The following ADGRF5 variants were observed in gnomAD, a reference collection of about 807,000 sequenced individuals.
ADGRF5 encodes the protein adhesion G protein-coupled receptor F5, also known as G-protein coupled receptor 116.
A neutral mutation model predicts 132.3 loss-of-function variants in ADGRF5; 75 were observed. That is an observed-to-expected ratio of 0.57 (90% CI 0.47 to 0.69). ADGRF5 has a LOEUF of 0.69. ADGRF5 is among the 30% of genes least tolerant of loss of function. The pLI, the probability that ADGRF5 is intolerant of heterozygous loss-of-function variation, is 0.00. For missense variants in ADGRF5, 1,516 were observed against 1,630.6 expected (o/e 0.93, Z 1.21); for synonymous variants, 629 against 597.6 (o/e 1.05, Z -0.77).
At chr6:46,900,878 T>C (rs768842857) in intron 2 of ADGRF5, among the ~76,000 whole-genome samples, 1 of 152,180 alleles carries the variant, frequency 6.6e-6, no homozygotes, top group Non-Finnish European at 1.5e-5. Context: ...TCTGCAGACA[T>C]TGAGTTCAAA....
chr6:46,913,565 AAGG>A (rs1776164690), intron 1 of ADGRF5, among the ~76,000 whole-genome samples: 1 of 152,202 alleles, frequency 6.6e-6, no homozygotes, highest in East Asian at 1.9e-4. Context: ...GAAGTCCATT[AAGG>A]AGGAGACTGA....
intron 1 of ADGRF5, among the ~76,000 whole-genome samples, chr6:46,911,060 C>T (rs1366035146): frequency 6.6e-6 from 1 of 152,168 alleles, no homozygotes; most frequent in Admixed American, 6.6e-5. Context: ...CAGTCTAGGC[C>T]TTCTCTGCCC....
intron 3 of ADGRF5, among the ~76,000 whole-genome samples, chr6:46,890,089 T>C (rs1264525637): frequency 6.6e-6 from 1 of 152,006 alleles, no homozygotes. Flanking sequence ...CACAGATAAA[T>C]TGAGAATATT....
chr6:46,941,456 GAAAAGAAAAGAAAGA>G (rs1561838984), intron 1 of ADGRF5, among the ~76,000 whole-genome samples: 1 of 42,056 alleles, frequency 2.4e-5, no homozygotes, highest in South Asian at 6.6e-4. Flanking sequence ...GAAAAGAAAA[GAAAAGAAAAGAAAGA>G]AAAGAAAAGA....
chr6:46,950,391 A>C (rs1454104945), intron 1 of ADGRF5, among the ~76,000 whole-genome samples: 1 of 152,206 alleles, frequency 6.6e-6, no homozygotes, highest in Non-Finnish European at 1.5e-5. Context: ...TCATGTGCTC[A>C]AGATGTACTT....
At chr6:46,882,139 T>C (rs905051049) in intron 6 of ADGRF5, 32 bp from the exon 7 acceptor site, 6 of 1,485,598 alleles carry the variant, frequency 4.0e-6, no homozygotes, top group Non-Finnish European at 3.8e-6. Flanking sequence ...ATGTCATATA[T>C]CAAAGTCGAG....
intron 7 of ADGRF5, 78 bp downstream of exon 7, chr6:46,881,971 C>T (rs2150838374): frequency 9.4e-7 from 1 of 1,068,450 alleles, no homozygotes; most frequent in Non-Finnish European, 1.5e-6. Flanking sequence ...AATAATGCCT[C>T]TCTAGGGGGT....
upstream of ADGRF5, among the ~76,000 whole-genome samples, chr6:46,924,975 G>A (rs189627695): frequency 6.6e-6 from 1 of 152,158 alleles, no homozygotes; most frequent in African/African-American, 2.4e-5. Context: ...ATCTGTCTCT[G>A]TGCATCTCCT....
rs1327673568 is a variant in ADGRF5 at position 46,921,727 on chromosome 6, G to T, written c.-39C>A. On this transcript the variant is annotated 5_prime_UTR_variant, in exon 1 of 21. Transcript: ENST00000283296. ...ATGTCTGTTACCTGTCCAGCACTGT[G>T]GTCCCCCGGCTGGCTCCCGCTCTGA... 1 of 152,384 alleles carries T rather than the reference G, an allele frequency of 6.6e-6. No homozygotes were observed. The highest frequency in any genetic ancestry group is 3.4e-3 in the Middle Eastern group (1 of 298). 9.4% of individuals were successfully genotyped at this position (152,384 alleles called of 1,614,324 possible).
chr6:46,948,046 A>AC (rs756143444), intron 1 of ADGRF5, among the ~76,000 whole-genome samples: 12 of 152,024 alleles, frequency 7.9e-5, no homozygotes, highest in Non-Finnish European at 1.0e-4. Flanking sequence ...TTTCACGGAG[A>AC]CCCCCAGACA....
intron 1 of ADGRF5, among the ~76,000 whole-genome samples, chr6:46,945,384 C>A (rs1778264317): frequency 6.6e-6 from 1 of 152,190 alleles, no homozygotes; most frequent in Admixed American, 6.5e-5. Flanking sequence ...GATGTTATTT[C>A]ACTTAAAGAA....
At chr6:46,883,497 C>A in intron 6 of ADGRF5, 62 bp downstream of exon 6, 1 of 789,032 alleles carries the variant, frequency 1.3e-6, no homozygotes, top group Non-Finnish European at 2.2e-6. Flanking sequence ...ATTGTGAATG[C>A]AATAGACTCA....
At chr6:46,883,508 G>T in intron 6 of ADGRF5, 51 bp downstream of exon 6, 1 of 880,596 alleles carries the variant, frequency 1.1e-6, no homozygotes, top group Non-Finnish European at 1.9e-6. Context: ...AATAGACTCA[G>T]TTCAGTCCAA....
chr6:46,938,101 A>C (rs1466668286), intron 1 of ADGRF5, among the ~76,000 whole-genome samples: 1 of 152,238 alleles, frequency 6.6e-6, no homozygotes, highest in Non-Finnish European at 1.5e-5. Flanking sequence ...ATGAATAAAC[A>C]TGACTTACAG....
intron 12 of ADGRF5, among the ~76,000 whole-genome samples, chr6:46,868,390 G>A (rs1770685890): frequency 6.6e-6 from 1 of 152,172 alleles, no homozygotes. Flanking sequence ...CAATAAATAT[G>A]AGCTATTATT....
At chr6:46,935,623 C>T (rs1256023100) in intron 1 of ADGRF5, among the ~76,000 whole-genome samples, 2 of 152,122 alleles carry the variant, frequency 1.3e-5, no homozygotes, top group Admixed American at 6.6e-5. Flanking sequence ...CACGTGAATC[C>T]GATTCACTAA....
chr6:46,866,801 T>G lies in ADGRF5; in HGVS notation c.1834+124A>C, dbSNP rs1770503059. On this transcript the variant is annotated intron_variant, in intron 13 of 20. Coordinates refer to ENST00000283296, the MANE Select transcript of ADGRF5 (RefSeq NM_001098518.2). ...AGAAGGTAACAAAGATTCATGGGAT[T>G]CTACTCTGTTAATTCTATCTCTGAT... 4 of 618,622 alleles carry G rather than the reference T, an allele frequency of 6.5e-6. No individual in the cohort carries two copies. In the South Asian group the frequency reaches 8.4e-5, roughly 13 times the overall value. The allele number at this position is 618,622 out of a possible 1,614,324, so 38.3% of individuals were successfully genotyped here.
intron 4 of ADGRF5, among the ~76,000 whole-genome samples, chr6:46,886,036 G>C (rs1280956846): frequency 1.3e-5 from 2 of 152,212 alleles, no homozygotes; most frequent in East Asian, 3.8e-4. Flanking sequence ...GGTGTGAACA[G>C]CCTACATGAA....
chr6:46,878,221 T>C lies in ADGRF5; in HGVS notation c.1221A>G (p.Glu407=), dbSNP rs777434340. The C allele has an allele frequency of 5.0e-6, 8 of 1,611,560 alleles. No individual in the cohort carries two copies. The highest frequency in any genetic ancestry group is 1.7e-5 in the Admixed American group (1 of 59,990). ...VNWSKVEWKQ[E]GKINIPGTPE... The stretch of plus-strand genomic sequence containing the variant: ...TCTCACCTGGAATATTTATTTTTCC[T>C]TCCTGCTTCCATTCTACTTTGCTCC... The change falls in exon 10 of 21, where the codon GAA becomes GAG. Residue 407 remains glutamate, a synonymous_variant. Transcript: ENST00000283296.
Sources: gnomAD v4.1 joint callset for allele counts (sites outside exome capture counted in the v4.1 genomes callset) on GRCh38, gnomAD v4.1.1 for gene constraint, MANE v1.5 for transcripts, NCBI Gene and HGNC (gene_info 2026-07-23, HGNC 2026-07-21) for gene names.